Variants in ADCY1 observed in about 807,000 individuals in gnomAD.
The protein encoded by ADCY1 is adenylate cyclase 1.
Under a neutral mutation model 105.4 loss-of-function variants are expected in ADCY1, and 28 were observed. That is an observed-to-expected ratio of 0.27 (90% confidence interval 0.20 to 0.36). The LOEUF (loss-of-function observed/expected upper bound fraction) is 0.36. Among genes scored for constraint, ADCY1 ranks in the 10% least tolerant of loss-of-function variants. The pLI is 1.00. For synonymous variants in ADCY1, 655 were observed against 623.8 expected, an observed-to-expected ratio of 1.05 and a Z score of -0.75; for missense variants, 977 against 1,434.2, an observed-to-expected ratio of 0.68 and a Z score of 5.15.
chr7:45,574,151 C>T (rs1792240516), upstream of ADCY1: 1 of 985,032 alleles, frequency 1.0e-6, no homozygotes, highest in Non-Finnish European at 1.2e-6. The surrounding 1 kb of genome is among the most constrained non-coding windows in gnomAD (Gnocchi z 7.0). Flanking sequence ...TTCCACTGTG[C>T]ACGGTGGGGA....
intron 8 of ADCY1, among the ~76,000 whole-genome samples, chr7:45,665,706 CCACACCTTTT>C (rs1290783805): frequency 3.9e-5 from 6 of 152,182 alleles, no homozygotes; most frequent in African/African-American, 1.4e-4. Context: ...ATTTTGTCTT[CCACACCTTTT>C]CACTAGGTGA....
Position 45,574,799 on chromosome 7 carries a change from C to A in ADCY1, c.256C>A (p.Pro86Thr). The change falls in exon 1 of 20, where the codon CCC (proline) becomes ACC (threonine). Residue 86 changes from proline (P) to threonine (T), a missense_variant. Coordinates refer to ENST00000297323, the MANE Select transcript of ADCY1 (RefSeq NM_021116.4). The surrounding 1 kb of genome is among the most constrained non-coding windows in gnomAD (Gnocchi z 7.0). Reference protein sequence around the residue: ...ALAELLGAPGPAPGLAKGSHP... With the variant: ...ALAELLGAPGTAPGLAKGSHP... Reference sequence around the variant, plus strand: ...GGCCGAGCTGCTGGGCGCGCCGGGGCCCGCGCCCGGCCTGGCCAAGGGCTC... The same window carrying A: ...GGCCGAGCTGCTGGGCGCGCCGGGGACCGCGCCCGGCCTGGCCAAGGGCTC... The A allele has an allele frequency of 6.4e-7, 1 of 1,567,628 alleles. No individual in the cohort carries two copies. The highest frequency in any genetic ancestry group is 2.5e-5 in the East Asian group (1 of 40,402).
chr7:45,663,589 G>T (rs940759916), intron 8 of ADCY1, among the ~76,000 whole-genome samples: 1 of 152,210 alleles, frequency 6.6e-6, no homozygotes, highest in African/African-American at 2.4e-5. Flanking sequence ...GGGAGGCCAA[G>T]GCAGGCGGAT....
In ADCY1 at chr7:45,708,080, G is replaced by C. The variant is rs1157057104; in HGVS notation, c.2818-270G>C. Among the ~76,000 whole-genome samples the C allele has an allele frequency of 2.0e-5, 3 of 152,164 alleles. No individual in the cohort carries two copies. Among genetic ancestry groups the C allele is most frequent in the Non-Finnish European group, 4.4e-5 (3 of 68,026 alleles). On this transcript the variant is annotated intron_variant, in intron 17 of 19. Coordinates refer to ENST00000297323, the MANE Select transcript of ADCY1 (RefSeq NM_021116.4). The surrounding 1 kb of genome is among the most constrained non-coding windows in gnomAD (Gnocchi z 4.7). ...GTCCAAGCAGGAGTTTGAGCACCTG[G>C]TCTCCCACTCAAAAGGGCTGCCCTG...
At chr7:45,701,736 C>A (rs905277974) in intron 14 of ADCY1, among the ~76,000 whole-genome samples, 5 of 152,072 alleles carry the variant, frequency 3.3e-5, no homozygotes, top group African/African-American at 1.2e-4. Flanking sequence ...CCCCGGAGAC[C>A]ATCTGAGGCT....
rs780323508 is a variant in ADCY1 at position 45,703,232 on chromosome 7, C to T, written c.2455-144C>T. On this transcript the variant is annotated intron_variant, in intron 14 of 19. Transcript: ENST00000297323. The surrounding 1 kb of genome is among the most constrained non-coding windows in gnomAD (Gnocchi z 5.9). ...CAGTAACATGGATCTAGTCTTGCAT[C>T]TAGTGGGGAGGAGGGACAGGAGCGT... is the stretch of plus-strand genomic sequence containing the variant. 5.3e-6 allele frequency: 4 copies of T among 760,340 alleles called. No individual in the cohort carries two copies. Among genetic ancestry groups the T allele is most frequent in the Non-Finnish European group, 7.1e-6 (3 of 424,762 alleles). The allele number at this position is 760,340 out of a possible 1,614,324, so 47.1% of individuals were successfully genotyped here.
intron 4 of ADCY1, among the ~76,000 whole-genome samples, chr7:45,632,859 C>G (rs1339975302): frequency 6.6e-6 from 1 of 152,090 alleles, no homozygotes; most frequent in Non-Finnish European, 1.5e-5. Context: ...GCATGAACCA[C>G]CATGCTCGGC....
At chr7:45,639,054 G>C (rs1794470629) in intron 4 of ADCY1, among the ~76,000 whole-genome samples, 1 of 152,134 alleles carries the variant, frequency 6.6e-6, no homozygotes, top group Admixed American at 6.5e-5. Context: ...TGATGCAAGT[G>C]GCCCCTGTGA....
rs2115770988 is a variant in ADCY1 at position 45,591,425 on chromosome 7, TGA to T, written c.640-1332_640-1331del. Among the ~76,000 whole-genome samples the T allele has an allele frequency of 6.6e-6, 1 of 152,340 alleles. No individual in the cohort carries two copies. The highest frequency in any genetic ancestry group is 2.1e-4 in the South Asian group (1 of 4,822). On this transcript the variant is annotated intron_variant, in intron 1 of 19. Transcript: ENST00000297323. This position sits in a 1 kb window ranked among gnomAD's most constrained non-coding sequence, Gnocchi z 4.1. ...GGCAGCTGCTCCCCACACTACTGTG[TGA>T]GTTTGTTTTTGATTTTAGTTCTGTT... is the stretch of plus-strand genomic sequence containing the variant.
intron 1 of ADCY1, among the ~76,000 whole-genome samples, chr7:45,585,009 C>A (rs1792674436): frequency 6.6e-6 from 1 of 152,230 alleles, no homozygotes; most frequent in Admixed American, 6.5e-5. Flanking sequence ...TGGTTGGTCA[C>A]CTCGGTGTGC....
At chr7:45,649,078 A>T (rs888824763) in intron 5 of ADCY1, among the ~76,000 whole-genome samples, 3 of 151,676 alleles carry the variant, frequency 2.0e-5, no homozygotes, top group Non-Finnish European at 4.4e-5. Context: ...TGCATGAGTC[A>T]TACAAAAATA....
intron 3 of ADCY1, among the ~76,000 whole-genome samples, chr7:45,615,794 A>C (rs1214766254): frequency 1.6e-5 from 2 of 122,220 alleles, no homozygotes; most frequent in Admixed American, 1.7e-4. Flanking sequence ...TCAAGAAGCC[A>C]CAAAAAAGAA....
At chr7:45,610,756 GTGTAGA>G (rs1793524622) in intron 3 of ADCY1, among the ~76,000 whole-genome samples, 1 of 108,388 alleles carries the variant, frequency 9.2e-6, no homozygotes, top group African/African-American at 3.4e-5. Context: ...GATGATGGAG[GTGTAGA>G]GGTGATAGTG....
intron 1 of ADCY1, among the ~76,000 whole-genome samples, chr7:45,584,552 C>G (rs899229358): frequency 6.6e-6 from 1 of 152,250 alleles, no homozygotes; most frequent in Non-Finnish European, 1.5e-5. Context: ...CCCACTAGCC[C>G]TAAGGACTCA....
chr7:45,634,622 T>C (rs1010691314), intron 4 of ADCY1, among the ~76,000 whole-genome samples: 4 of 152,178 alleles, frequency 2.6e-5, no homozygotes, highest in Admixed American at 6.5e-5. Flanking sequence ...CGACTTATGA[T>C]AGTTTGACAT....
intron 3 of ADCY1, among the ~76,000 whole-genome samples, chr7:45,620,361 A>G (rs1659175520): frequency 6.6e-6 from 1 of 152,192 alleles, no homozygotes; most frequent in South Asian, 2.1e-4. Context: ...AGTGAACTTG[A>G]TAGCTCGATT....
chr7:45,678,745 A>G (rs2116187223), intron 10 of ADCY1, among the ~76,000 whole-genome samples: 1 of 151,148 alleles, frequency 6.6e-6, no homozygotes, highest in Non-Finnish European at 1.5e-5. Flanking sequence ...TTAGCCAGGC[A>G]TGGCAGCACT....
chr7:45,687,306 G>A (rs551750680), intron 14 of ADCY1, among the ~76,000 whole-genome samples: 84 of 152,322 alleles, frequency 5.5e-4, no homozygotes, highest in African/African-American at 1.8e-3. Flanking sequence ...CTGTTTGGAT[G>A]TGATCCTGGC....
chr7:45,636,659 A>G (rs577774506), intron 4 of ADCY1, among the ~76,000 whole-genome samples: 1 of 150,694 alleles, frequency 6.6e-6, no homozygotes, highest in Non-Finnish European at 1.5e-5. Flanking sequence ...TCCTGCCTCA[A>G]CCTCTCTAGT....
Sources: gnomAD v4.1 joint callset for allele counts (sites outside exome capture counted in the v4.1 genomes callset) on GRCh38, gnomAD v4.1.1 for gene constraint, Gnocchi (gnomAD v3.1) non-coding constraint, MANE v1.5 for transcripts, NCBI Gene and HGNC (gene_info 2026-07-23, HGNC 2026-07-21) for gene names.